The following CD200R1 variants were observed in gnomAD, a reference collection of about 807,000 sequenced individuals.
CD200R1 encodes cell surface glycoprotein CD200 receptor 1.
Under a neutral mutation model 38.1 loss-of-function variants are expected in CD200R1, and 30 were observed. That is an observed-to-expected ratio of 0.79 (90% CI 0.59 to 1.07). CD200R1 has a LOEUF of 1.07. CD200R1 is among the 50% of genes least tolerant of loss of function. The pLI is 0.00. For missense variants in CD200R1, 372 were observed against 415.4 expected (o/e 0.90, Z 0.91); for synonymous variants, 128 against 152.1 (o/e 0.84, Z 1.16).
At chr3:112,953,071 A>G (rs1281369401) in intron 1 of CD200R1, among the ~76,000 whole-genome samples, 5 of 152,128 alleles carry the variant, frequency 3.3e-5, no homozygotes, top group Admixed American at 1.3e-4. Flanking sequence ...TTTCCCCCAT[A>G]AAGTGTGAAG....
intron 2 of CD200R1, among the ~76,000 whole-genome samples, chr3:112,939,791 A>C (rs1175387620): frequency 4.0e-5 from 6 of 151,610 alleles, no homozygotes; most frequent in South Asian, 2.1e-4. Flanking sequence ...AAAAATAGAA[A>C]AAAAATCCTG....
At chr3:112,952,715 A>T (rs879868301) in intron 1 of CD200R1, among the ~76,000 whole-genome samples, 41 of 152,294 alleles carry the variant, frequency 2.7e-4, no homozygotes, top group Non-Finnish European at 5.1e-4. Context: ...GCAGCGCACC[A>T]GTGTGGCACA....
intron 1 of CD200R1, among the ~76,000 whole-genome samples, chr3:112,961,114 A>C (rs1261859215): frequency 6.6e-6 from 1 of 152,026 alleles, no homozygotes; most frequent in African/African-American, 2.4e-5. Flanking sequence ...TATAGAAAAA[A>C]ATTTCAAAAT....
rs1028629108 is a variant in CD200R1 at position 112,965,764 on chromosome 3, G to GA, written c.67+9026dup. Among the ~76,000 whole-genome samples the GA allele has an allele frequency of 2.7e-3, 385 of 144,932 alleles. 8 individuals are homozygous for GA. Among genetic ancestry groups the GA allele is most frequent in the Non-Finnish European group, 5.6e-4 (37 of 65,570 alleles). Reference sequence around the variant, plus strand: ...GACAGAGTGAGACTCCATCTCAAAAGAAAAAAAAAAGATATTTAATAATAA... The same window carrying GA: ...GACAGAGTGAGACTCCATCTCAAAAGAAAAAAAAAAAGATATTTAATAATAA... On this transcript the variant is annotated intron_variant, in intron 1 of 7. Coordinates refer to ENST00000308611, the MANE Select transcript of CD200R1 (RefSeq NM_138806.4).
chr3:112,948,072 A>G, intron 1 of CD200R1, 148 bp from the exon 2 acceptor site: 2 of 646,566 alleles, frequency 3.1e-6, no homozygotes, highest in Non-Finnish European at 5.6e-6. Flanking sequence ...AGCCAAGCAA[A>G]AGTCTTGGCA....
At chr3:112,936,460 C>T (rs967867380) in intron 2 of CD200R1, among the ~76,000 whole-genome samples, 9 of 152,178 alleles carry the variant, frequency 5.9e-5, no homozygotes, top group Non-Finnish European at 1.2e-4. Context: ...ACCTCGCTAG[C>T]ATCTGTTGTT....
chr3:112,937,410 G>C (rs114473712), intron 2 of CD200R1, among the ~76,000 whole-genome samples: 6,700 of 152,078 alleles, frequency 0.044, 202 homozygotes, highest in African/African-American at 0.08. Flanking sequence ...TCTTCATATG[G>C]CTAGCCAGCT....
intron 1 of CD200R1, among the ~76,000 whole-genome samples, chr3:112,951,885 A>G (rs1330999647): frequency 1.3e-5 from 2 of 151,754 alleles, no homozygotes; most frequent in African/African-American, 2.4e-5. Context: ...TAAACCCTAT[A>G]TAATGGAAAG....
chr3:112,957,424 T>A (rs1374104246), intron 1 of CD200R1, among the ~76,000 whole-genome samples: 2 of 152,140 alleles, frequency 1.3e-5, no homozygotes, highest in African/African-American at 4.8e-5. Flanking sequence ...CAACACATGA[T>A]GGAACAACTG....
At chr3:112,932,731 C>T (rs1427737230) in intron 2 of CD200R1, among the ~76,000 whole-genome samples, 2 of 152,122 alleles carry the variant, frequency 1.3e-5, no homozygotes, top group Non-Finnish European at 2.9e-5. Flanking sequence ...TCCATACCCA[C>T]AACTGGGGCC....
intron 1 of CD200R1, among the ~76,000 whole-genome samples, chr3:112,954,417 T>C (rs1350202570): frequency 6.6e-6 from 1 of 152,180 alleles, no homozygotes; most frequent in Non-Finnish European, 1.5e-5. Context: ...ACTCCTAAAA[T>C]CCTTAAAGTC....
rs567581294 is a variant in CD200R1 at position 112,966,285 on chromosome 3, A to C, written c.67+8506T>G. 9.8e-5 allele frequency among the ~76,000 whole-genome samples: 15 copies of C among 152,320 alleles called. No homozygotes were observed. The South Asian group carries it at 2.9e-3, about 29-fold the overall frequency. ...GACTTGTGAAAGTCTAGATCCCTATACACTGGAAAAGTCTGATTAAGCAGG... is the reference window on the plus strand; with the variant it reads ...GACTTGTGAAAGTCTAGATCCCTATCCACTGGAAAAGTCTGATTAAGCAGG... On this transcript the variant is annotated intron_variant, in intron 1 of 7. Transcript: ENST00000308611.
At chr3:112,942,286 G>T (rs73853993) in intron 2 of CD200R1, among the ~76,000 whole-genome samples, 3,959 of 151,628 alleles carry the variant, frequency 0.026, 196 homozygotes, top group African/African-American at 0.091. Context: ...TGTATAAGAA[G>T]AATGAATAAA....
intron 1 of CD200R1, among the ~76,000 whole-genome samples, chr3:112,974,275 A>C (rs114790749): frequency 0.048 from 7,315 of 152,140 alleles, 256 homozygotes; most frequent in African/African-American, 0.094. Flanking sequence ...ATCTCTACCA[A>C]AAATTTTAAA....
intron 1 of CD200R1, among the ~76,000 whole-genome samples, chr3:112,956,506 A>T (rs898357030): frequency 6.6e-6 from 1 of 151,940 alleles, no homozygotes; most frequent in Non-Finnish European, 1.5e-5. Flanking sequence ...CTATTCATAC[A>T]TCTCCATGTC....
At chr3:112,943,047 C>T (rs1399122225) in intron 2 of CD200R1, among the ~76,000 whole-genome samples, 3 of 151,468 alleles carry the variant, frequency 2.0e-5, no homozygotes, top group African/African-American at 4.8e-5. Context: ...ACTTCAATAC[C>T]CCTCTATTAG....
At chr3:112,945,196 T>G (rs1367771182) in intron 2 of CD200R1, among the ~76,000 whole-genome samples, 1 of 152,180 alleles carries the variant, frequency 6.6e-6, no homozygotes, top group Non-Finnish European at 1.5e-5. Context: ...TCTCAGCAAG[T>G]TATTTTATGG....
At chr3:112,924,306 T>A (rs1182865844) in intron 7 of CD200R1, among the ~76,000 whole-genome samples, 184 bp downstream of exon 7, 1 of 151,904 alleles carries the variant, frequency 6.6e-6, no homozygotes, top group East Asian at 1.9e-4. Flanking sequence ...TGGTTCAGAG[T>A]GATGATGTAT....
intron 2 of CD200R1, 72 bp from the exon 3 acceptor site, chr3:112,931,243 C>T (rs912711018): frequency 4.4e-6 from 4 of 912,526 alleles, no homozygotes; most frequent in Admixed American, 1.8e-5. Context: ...TATCCCTCCA[C>T]AAAGTCTTAT....
Sources: gnomAD v4.1 joint callset for allele counts (sites outside exome capture counted in the v4.1 genomes callset) on GRCh38, gnomAD v4.1.1 for gene constraint, MANE v1.5 for transcripts, NCBI Gene and HGNC (gene_info 2026-07-23, HGNC 2026-07-21) for gene names.